PEX5L: variants seen among roughly 807,000 people sequenced by gnomAD.
The protein encoded by PEX5L is PEX5-related protein.
A neutral mutation model predicts 84.0 loss-of-function variants in PEX5L; 30 were observed. The observed-to-expected ratio is 0.36, with a 90% CI of 0.27 to 0.48. The LOEUF is 0.48. PEX5L is among the 20% of genes least tolerant of loss of function. The pLI, the probability that PEX5L is intolerant of heterozygous loss-of-function variation, is 0.99. For missense variants in PEX5L, 533 were observed against 754.6 expected, an observed-to-expected ratio of 0.71 and a Z score of 3.44; for synonymous variants, 270 against 283.1, an observed-to-expected ratio of 0.95 and a Z score of 0.46.
intron 2 of PEX5L, among the ~76,000 whole-genome samples, chr3:179,913,701 C>T (rs544727604): frequency 2.1e-4 from 32 of 152,100 alleles, no homozygotes; most frequent in South Asian, 6.2e-4. Context: ...AATATCATAG[C>T]GTTTTTTGCT....
At chr3:179,963,190 A>T (rs1782491810) in intron 2 of PEX5L, among the ~76,000 whole-genome samples, 1 of 152,130 alleles carries the variant, frequency 6.6e-6, no homozygotes, top group African/African-American at 2.4e-5. Context: ...CTGGTAGAGG[A>T]GAGCTAGGTG....
intron 8 of PEX5L, among the ~76,000 whole-genome samples, chr3:179,831,563 C>T (rs1401706293): frequency 6.6e-6 from 1 of 152,100 alleles, no homozygotes; most frequent in African/African-American, 2.4e-5. Flanking sequence ...GAGATGCTCA[C>T]CCTGCTGCTG....
chr3:179,924,135 C>T (rs547367132), intron 2 of PEX5L, among the ~76,000 whole-genome samples: 41 of 152,230 alleles, frequency 2.7e-4, no homozygotes, highest in Non-Finnish European at 4.9e-4. Context: ...GCTTCAGTAT[C>T]GGGGATAGGT....
intron 1 of PEX5L, among the ~76,000 whole-genome samples, chr3:179,979,679 G>C (rs978762268): frequency 7.2e-5 from 11 of 152,122 alleles, no homozygotes; most frequent in Admixed American, 3.3e-4. Context: ...TCCCCAACAG[G>C]AAAAAGGTAA....
At chr3:179,810,082 T>G (rs1344552627) in intron 11 of PEX5L, among the ~76,000 whole-genome samples, 1 of 136,470 alleles carries the variant, frequency 7.3e-6, no homozygotes, top group Non-Finnish European at 1.5e-5. Context: ...GGTGTGATCT[T>G]GGCTCACTGC....
rs1345821389 is a variant in PEX5L, at chr3:179,810,535, T to TG, written c.1155-868dup. Among the ~76,000 whole-genome samples the TG allele has an allele frequency of 5.3e-5, 8 of 152,252 alleles. No homozygotes were observed. In the South Asian group the frequency reaches 8.3e-4, roughly 16 times the overall value. On this transcript the variant is annotated intron_variant, in intron 11 of 14. Transcript: ENST00000467460. Reference sequence around the variant, plus strand: ...CAAACTGAAGTGCATGTGAATCATCTGGGGTGTCTTATAAAATCTTCATTC... The same window carrying TG: ...CAAACTGAAGTGCATGTGAATCATCTGGGGGTGTCTTATAAAATCTTCATTC...
intron 2 of PEX5L, among the ~76,000 whole-genome samples, chr3:179,929,797 G>C (rs749395642): frequency 2.0e-5 from 3 of 152,118 alleles, no homozygotes; most frequent in Non-Finnish European, 4.4e-5. Flanking sequence ...TCCAGTGTCA[G>C]TCACTCTGTC....
chr3:179,895,171 A>G (rs1758845738), intron 3 of PEX5L, among the ~76,000 whole-genome samples: 1 of 152,168 alleles, frequency 6.6e-6, no homozygotes, highest in African/African-American at 2.4e-5. Flanking sequence ...TTTAGCCAAT[A>G]TATCAAAAAA....
chr3:179,892,535 T>G (rs1439375758), intron 3 of PEX5L, among the ~76,000 whole-genome samples: 1 of 152,174 alleles, frequency 6.6e-6, no homozygotes, highest in Non-Finnish European at 1.5e-5. Flanking sequence ...TTATACAGTC[T>G]AACTGAATGG....
chr3:179,869,159 T>A lies in PEX5L; in HGVS notation c.726+5168A>T, dbSNP rs559727189. Among the ~76,000 whole-genome samples, 44 of 152,232 alleles carry A rather than the reference T, an allele frequency of 2.9e-4. 1 individual carries two copies. Among genetic ancestry groups the A allele is most frequent in the African/African-American group, 1.0e-3 (43 of 41,528 alleles). On this transcript the variant is annotated intron_variant, in intron 7 of 14. Coordinates refer to ENST00000467460, the MANE Select transcript of PEX5L (RefSeq NM_016559.3). The stretch of plus-strand genomic sequence containing the variant: ...CACTTGGAGAGCTGGCTGCTGCACA[T>A]CCCAGTAAAATCTAACCGAGGTCTG...
chr3:179,847,081 G>GTATA (rs80254022), intron 8 of PEX5L, among the ~76,000 whole-genome samples: 3,254 of 105,476 alleles, frequency 0.031, 120 homozygotes, highest in African/African-American at 0.086. Flanking sequence ...GTGTGTGTGT[G>GTATA]TATATATATA....
chr3:179,848,409 G>T (rs1304918632), intron 8 of PEX5L, among the ~76,000 whole-genome samples: 3 of 151,918 alleles, frequency 2.0e-5, no homozygotes, highest in African/African-American at 7.3e-5. Flanking sequence ...AAATTAGCCA[G>T]GCATGGTGGT....
Position 180,014,375 on chromosome 3 carries a change from G to A in PEX5L, c.21+22204C>T, listed in dbSNP as rs190997403. 3.9e-3 allele frequency among the ~76,000 whole-genome samples: 599 copies of A among 152,222 alleles called. 9 individuals are homozygous for A. Among genetic ancestry groups the A allele is most frequent in the East Asian group, 0.012 (62 of 5,176 alleles). ...GAGTCCCAGCTACTCCGGAGGCTGA[G>A]GCAGGAGAATGGCGTGAACCCGGGA... On this transcript the variant is annotated intron_variant, in intron 1 of 14. Transcript: ENST00000467460.
chr3:179,965,412 T>C (rs1486136688), intron 2 of PEX5L, among the ~76,000 whole-genome samples: 1 of 152,192 alleles, frequency 6.6e-6, no homozygotes, highest in Non-Finnish European at 1.5e-5. Flanking sequence ...GATGCTATTA[T>C]TGCATTGTAC....
chr3:179,944,212 A>G, intron 2 of PEX5L, among the ~76,000 whole-genome samples: 1 of 152,226 alleles, frequency 6.6e-6, no homozygotes, highest in East Asian at 1.9e-4. Context: ...CTGTTGGAAG[A>G]GCAACTATTA....
intron 2 of PEX5L, among the ~76,000 whole-genome samples, chr3:179,904,256 T>C (rs1245968860): frequency 6.6e-6 from 1 of 152,228 alleles, no homozygotes; most frequent in African/African-American, 2.4e-5. Context: ...TCTTCAGCCA[T>C]CATCTTTTCT....
intron 8 of PEX5L, among the ~76,000 whole-genome samples, chr3:179,838,517 T>C (rs1250243107): frequency 6.6e-6 from 1 of 152,226 alleles, no homozygotes. Flanking sequence ...GACTAGGAAT[T>C]AAAATGTTTA....
At chr3:179,993,993 A>G (rs1362189255) in intron 1 of PEX5L, among the ~76,000 whole-genome samples, 3 of 152,228 alleles carry the variant, frequency 2.0e-5, no homozygotes, top group African/African-American at 7.2e-5. Context: ...GGCTTACTAT[A>G]TATCATTTTA....
In PEX5L at chr3:180,036,931, G is replaced by T. The variant is rs1485256634; in HGVS notation, c.-332C>A. 2 of 358,614 alleles carry T rather than the reference G, an allele frequency of 5.6e-6. No homozygotes were observed. The highest frequency in any genetic ancestry group is 1.1e-5 in the Non-Finnish European group (2 of 188,060). The allele number at this position is 358,614 out of a possible 1,614,324, so 22.2% of individuals were successfully genotyped here. A position where few individuals can be genotyped will look rare whatever the true frequency, so the allele number is the denominator to read the frequency against. ...CTCCTTCTTCGCCGAACTCTTTCTCGCTTCCTGCCAGGTTGCCTCATGTCT... is the reference window on the plus strand; with the variant it reads ...CTCCTTCTTCGCCGAACTCTTTCTCTCTTCCTGCCAGGTTGCCTCATGTCT... On this transcript the variant is annotated 5_prime_UTR_variant, in exon 1 of 15. Coordinates refer to ENST00000467460, the MANE Select transcript of PEX5L (RefSeq NM_016559.3).
Sources: allele counts gnomAD v4.1 joint callset (sites outside exome capture counted in the v4.1 genomes callset), GRCh38; gene constraint gnomAD v4.1.1; transcripts MANE v1.5; gene names NCBI Gene and HGNC (gene_info 2026-07-23, HGNC 2026-07-21).